Variants in LSAMP observed in about 807,000 individuals in gnomAD.
LSAMP encodes the protein limbic system-associated membrane protein.
In LSAMP, 7 loss-of-function variants were observed where a neutral mutation model predicts 38.6. The ratio of observed to expected loss-of-function variants is 0.18; its 90% CI spans 0.10 to 0.34. LSAMP has a LOEUF of 0.34. LSAMP is among the 10% of genes least tolerant of loss of function. The pLI is 1.00. For missense variants in LSAMP, 313 were observed against 420.0 expected, an observed-to-expected ratio of 0.75 and a Z score of 2.23; for synonymous variants, 154 against 166.8, an observed-to-expected ratio of 0.92 and a Z score of 0.59.
intron 1 of LSAMP, among the ~76,000 whole-genome samples, chr3:116,221,172 G>GAAAAAAAA (rs1275673221): frequency 1.2e-3 from 77 of 66,578 alleles, no homozygotes; most frequent in South Asian, 5.7e-3. Flanking sequence ...AAAAAAAAAG[G>GAAAAAAAA]AAAGGGGCAG....
At chr3:116,383,083 C>G (rs1318463593) in intron 1 of LSAMP, among the ~76,000 whole-genome samples, 1 of 152,066 alleles carries the variant, frequency 6.6e-6, no homozygotes, top group Non-Finnish European at 1.5e-5. Context: ...TCACTACGTG[C>G]TATATTGATC....
intron 3 of LSAMP, among the ~76,000 whole-genome samples, chr3:115,995,784 C>G (rs4131453): frequency 0.36 from 55,338 of 151,814 alleles, 10,138 homozygotes; most frequent in African/African-American, 0.4. Flanking sequence ...AATGACTTAT[C>G]CCCATGATCA....
chr3:116,419,054 A>G (rs1382465026), intron 1 of LSAMP, among the ~76,000 whole-genome samples: 1 of 152,194 alleles, frequency 6.6e-6, no homozygotes, highest in Admixed American at 6.5e-5. Flanking sequence ...AAGACACCAT[A>G]TTGATGTCAC....
chr3:116,036,556 A>G (rs1941050062), intron 2 of LSAMP, among the ~76,000 whole-genome samples: 1 of 152,198 alleles, frequency 6.6e-6, no homozygotes. Context: ...CACCCCAATT[A>G]TAAATCTTTG....
chr3:116,293,098 C>G (rs970777531), intron 1 of LSAMP, among the ~76,000 whole-genome samples: 1 of 152,134 alleles, frequency 6.6e-6, no homozygotes, highest in Non-Finnish European at 1.5e-5. Context: ...TCAGAATGCT[C>G]ATGTTTGGCT....
intron 3 of LSAMP, among the ~76,000 whole-genome samples, chr3:116,005,650 G>T (rs1473131349): frequency 6.6e-6 from 1 of 152,172 alleles, no homozygotes; most frequent in Non-Finnish European, 1.5e-5. Context: ...GTTCCTGGGG[G>T]AATTATCTCC....
At chr3:116,140,991 A>G (rs1454025179) in intron 1 of LSAMP, among the ~76,000 whole-genome samples, 1 of 151,932 alleles carries the variant, frequency 6.6e-6, no homozygotes, top group Non-Finnish European at 1.5e-5. Context: ...TGGAAGAATT[A>G]TGAAAATAAT....
intron 2 of LSAMP, among the ~76,000 whole-genome samples, chr3:116,069,348 G>A (rs1445068948): frequency 6.6e-6 from 1 of 152,142 alleles, no homozygotes; most frequent in African/African-American, 2.4e-5. Flanking sequence ...TATAAATTAT[G>A]CACATACAAA....
chr3:116,336,491 G>C (rs899130814), intron 1 of LSAMP, among the ~76,000 whole-genome samples: 1 of 151,894 alleles, frequency 6.6e-6, no homozygotes, highest in Non-Finnish European at 1.5e-5. Flanking sequence ...TAATAAGCAC[G>C]TGAAAAGATG....
chr3:116,334,791 G>T (rs2047897669), intron 1 of LSAMP, among the ~76,000 whole-genome samples: 1 of 152,022 alleles, frequency 6.6e-6, no homozygotes, highest in Non-Finnish European at 1.5e-5. Flanking sequence ...CATTATCAAT[G>T]GTGAAAGACT....
chr3:116,408,199 C>T (rs1352967837), intron 1 of LSAMP, among the ~76,000 whole-genome samples: 1 of 151,846 alleles, frequency 6.6e-6, no homozygotes, highest in South Asian at 2.1e-4. Flanking sequence ...TTATATATTG[C>T]CTACAATTGG....
intron 3 of LSAMP, among the ~76,000 whole-genome samples, chr3:115,878,173 C>A (rs1936231867): frequency 6.6e-6 from 1 of 152,016 alleles, no homozygotes; most frequent in Non-Finnish European, 1.5e-5. Context: ...GGGAATATCA[C>A]AGAAAAGTGA....
At chr3:115,980,102 C>T (rs115513499) in intron 3 of LSAMP, among the ~76,000 whole-genome samples, 2,059 of 152,054 alleles carry the variant, frequency 0.014, 48 homozygotes, top group African/African-American at 0.045. Flanking sequence ...ACTTAAGATA[C>T]CCCATTGCAT....
At chr3:116,280,594 T>A (rs1272840805) in intron 1 of LSAMP, among the ~76,000 whole-genome samples, 1 of 152,220 alleles carries the variant, frequency 6.6e-6, no homozygotes, top group African/African-American at 2.4e-5. Flanking sequence ...TCGATGATAC[T>A]TAGGGCCTGG....
At chr3:116,242,595 T>C (rs1025812018) in intron 1 of LSAMP, among the ~76,000 whole-genome samples, 1 of 152,162 alleles carries the variant, frequency 6.6e-6, no homozygotes, top group Non-Finnish European at 1.5e-5. Flanking sequence ...ATTTTTTCTC[T>C]GCCACCCCTT....
At chr3:116,287,288 C>A (rs1055867459) in intron 1 of LSAMP, among the ~76,000 whole-genome samples, 6 of 152,020 alleles carry the variant, frequency 3.9e-5, no homozygotes, top group Non-Finnish European at 8.8e-5. Context: ...AACTGCTTAG[C>A]ACTCCTCTGT....
intron 1 of LSAMP, among the ~76,000 whole-genome samples, chr3:116,093,435 G>A (rs192004703): frequency 2.6e-5 from 4 of 152,330 alleles, no homozygotes; most frequent in South Asian, 2.1e-4. Flanking sequence ...AAGTGCAGTA[G>A]TGTGTTTTCA....
intron 3 of LSAMP, among the ~76,000 whole-genome samples, chr3:116,009,821 C>T (rs1308427058): frequency 2.0e-5 from 3 of 151,844 alleles, no homozygotes; most frequent in Admixed American, 6.6e-5. Context: ...AGTTTATTGG[C>T]GTGATAGTGT....
intron 1 of LSAMP, among the ~76,000 whole-genome samples, chr3:116,309,073 A>G (rs2047522535): frequency 6.6e-6 from 1 of 152,126 alleles, no homozygotes; most frequent in African/African-American, 2.4e-5. Flanking sequence ...ATTGTTAAAT[A>G]GAGTTCCTAC....
Sources: allele counts gnomAD v4.1 joint callset (sites outside exome capture counted in the v4.1 genomes callset), GRCh38; gene constraint gnomAD v4.1.1; transcripts MANE v1.5; gene names NCBI Gene and HGNC (gene_info 2026-07-23, HGNC 2026-07-21).